The following FRY variants were observed in gnomAD, a reference collection of about 807,000 sequenced individuals.
FRY encodes FRY microtubule binding protein, also known as protein furry homolog.
FRY carries 128 observed loss-of-function variants against 348.4 expected under a neutral mutation model. The ratio of observed to expected loss-of-function variants is 0.37; its 90% CI spans 0.32 to 0.43. The LOEUF (loss-of-function observed/expected upper bound fraction) is 0.43, where lower values mean the gene tolerates loss of function less well. Ranked by LOEUF, FRY falls within the 20% of genes least tolerant of loss-of-function variation. The pLI is 1.00. For missense variants in FRY, 2,736 were observed against 3,695.2 expected (o/e 0.74, Z 6.73); for synonymous variants, 1,370 against 1,374.7 (o/e 1.00, Z 0.08).
chr13:32,208,750 G>A lies in FRY; in HGVS notation c.4019-103G>A, dbSNP rs1336005516. On this transcript the variant is annotated intron_variant, in intron 31 of 60. Coordinates refer to ENST00000542859, the MANE Select transcript of FRY (RefSeq NM_023037.3). ...GAGCTCCTGTATGTGAAAATGTTTT[G>A]TAAACGTAGGACACTGTTCAGTCTG... is the stretch of plus-strand genomic sequence containing the variant. 4 of 1,385,156 alleles carry A rather than the reference G, an allele frequency of 2.9e-6. No individual in the cohort carries two copies. The African/African-American group carries it at 5.7e-5, about 20-fold the overall frequency. The allele number at this position is 1,385,156 out of a possible 1,614,324, so 85.8% of individuals were successfully genotyped here.
intron 1 of FRY, among the ~76,000 whole-genome samples, chr13:32,047,900 A>G (rs1369778673): frequency 6.6e-6 from 1 of 152,110 alleles, no homozygotes; most frequent in Non-Finnish European, 1.5e-5. Context: ...GTGAGCATTT[A>G]TGTGAATTAA....
At chr13:32,063,660 T>C (rs1049871958) in intron 1 of FRY, among the ~76,000 whole-genome samples, 1 of 152,180 alleles carries the variant, frequency 6.6e-6, no homozygotes, top group Non-Finnish European at 1.5e-5. Flanking sequence ...CCCACTAAAT[T>C]ATTTTCATGA....
chr13:32,262,409 C>T lies in FRY; in HGVS notation c.7713C>T (p.Thr2571=). 1 of 1,613,318 alleles carries T rather than the reference C, an allele frequency of 6.2e-7. No individual in the cohort carries two copies. The highest frequency in any genetic ancestry group is 8.5e-7 in the Non-Finnish European group (1 of 1,179,284). The change falls in exon 53 of 61, where the codon ACC becomes ACT. Residue 2571 remains threonine, a synonymous_variant. Coordinates refer to ENST00000542859, the MANE Select transcript of FRY (RefSeq NM_023037.3). ...STPAEPHSFN[T]RMSSFDASLP... ...CTGCAGAACCTCATTCCTTTAACAC[C>T]AGAATGTCCAGCTTTGATGCTTCCT...
At chr13:32,098,205 GT>G (rs1207022585) in intron 2 of FRY, among the ~76,000 whole-genome samples, 12 of 152,016 alleles carry the variant, frequency 7.9e-5, no homozygotes, top group Admixed American at 6.6e-4. Flanking sequence ...AGAATACTGT[GT>G]TTTTATGGGT....
chr13:32,252,242 G>A (rs1021993643), intron 50 of FRY, among the ~76,000 whole-genome samples: 1 of 151,674 alleles, frequency 6.6e-6, no homozygotes, highest in Admixed American at 6.6e-5. Context: ...TGCCCAGAAT[G>A]TCTTACAACG....
intron 7 of FRY, among the ~76,000 whole-genome samples, chr13:32,130,239 C>A (rs1054173501): frequency 2.0e-5 from 3 of 151,936 alleles, no homozygotes; most frequent in African/African-American, 7.3e-5. Flanking sequence ...CCGGGTTTCA[C>A]CATGTTGGTC....
chr13:32,176,811 C>G (rs999359461), intron 20 of FRY, among the ~76,000 whole-genome samples: 4 of 152,206 alleles, frequency 2.6e-5, no homozygotes, highest in African/African-American at 9.6e-5. Flanking sequence ...GAAGCAGTGA[C>G]TGCTTTGTGC....
At position 32,132,006 on chromosome 13, in the gene FRY, G is replaced by A. The variant is rs1022904094; in HGVS notation, c.885+166G>A. Among the ~76,000 whole-genome samples the A allele has an allele frequency of 2.0e-5, 3 of 152,062 alleles. No homozygotes were observed. The South Asian group carries it at 6.2e-4, about 31-fold the overall frequency. On this transcript the variant is annotated intron_variant, in intron 8 of 60. Coordinates refer to ENST00000542859, the MANE Select transcript of FRY (RefSeq NM_023037.3). The stretch of plus-strand genomic sequence containing the variant: ...TTGTAACCAAATAGTACAGTTGCGG[G>A]CACATAATTTCATTTCTCAACTTTC...
chr13:32,266,198 A>G (rs1887918930), intron 54 of FRY, among the ~76,000 whole-genome samples: 2 of 152,258 alleles, frequency 1.3e-5, no homozygotes, highest in African/African-American at 4.8e-5. Context: ...TACTCTTCTG[A>G]AAGTTGAAAA....
intron 3 of FRY, among the ~76,000 whole-genome samples, chr13:32,112,490 C>T (rs1436165436): frequency 3.9e-5 from 6 of 152,134 alleles, no homozygotes; most frequent in Non-Finnish European, 8.8e-5. Context: ...TTGATCATCC[C>T]ATACACTAGA....
At position 32,289,627 on chromosome 13, in the gene FRY, C is replaced by T. The variant is rs1889232809; in HGVS notation, c.8470-6C>T. 1 of 1,513,170 alleles carries T rather than the reference C, an allele frequency of 6.6e-7. No homozygotes were observed. The highest frequency in any genetic ancestry group is 9.2e-7 in the Non-Finnish European group (1 of 1,087,986). 93.7% of individuals were successfully genotyped at this position (1,513,170 alleles called of 1,614,324 possible). A position where few individuals can be genotyped will look rare whatever the true frequency, so the allele number is the denominator to read the frequency against. On this transcript the variant is annotated splice_region_variant and splice_polypyrimidine_tract_variant and intron_variant, in intron 58 of 60. Coordinates refer to ENST00000542859, the MANE Select transcript of FRY (RefSeq NM_023037.3). ...CTGTTTCTTCCCATGCAATTTCTCT[C>T]TTTAGCAATTGGAACTGTGTCAGAG...
intron 11 of FRY, among the ~76,000 whole-genome samples, chr13:32,140,591 G>C (rs1880001155): frequency 6.6e-6 from 1 of 151,340 alleles, no homozygotes; most frequent in Non-Finnish European, 1.5e-5. Context: ...ATAAATACAT[G>C]AGAAGAAAAA....
At chr13:32,214,541 C>G (rs1478627597) in intron 35 of FRY, among the ~76,000 whole-genome samples, 1 of 152,130 alleles carries the variant, frequency 6.6e-6, no homozygotes, top group Non-Finnish European at 1.5e-5. Flanking sequence ...AGATTGGACA[C>G]CCGCGTCTTA....
intron 1 of FRY, among the ~76,000 whole-genome samples, chr13:32,047,588 G>GA (rs953781814): frequency 1.3e-5 from 2 of 148,184 alleles, no homozygotes; most frequent in Non-Finnish European, 3.0e-5. Flanking sequence ...TTTTGGGGGG[G>GA]GTGCAGAGTT....
chr13:32,146,231 G>C (rs78790161), intron 11 of FRY, among the ~76,000 whole-genome samples: 3,348 of 151,932 alleles, frequency 0.022, 56 homozygotes, highest in Non-Finnish European at 0.033. Context: ...ACAAACTGTG[G>C]CAGGCTCAGC....
chr13:32,289,868 A>G (rs1159770190), intron 59 of FRY, 125 bp downstream of exon 59: 2 of 701,342 alleles, frequency 2.9e-6, no homozygotes, highest in Admixed American at 2.0e-5. Flanking sequence ...TTGCTCAAAC[A>G]CAATTCTGAA....
intron 29 of FRY, among the ~76,000 whole-genome samples, chr13:32,201,697 A>G (rs1262979647): frequency 2.0e-5 from 3 of 152,232 alleles, no homozygotes; most frequent in African/African-American, 7.2e-5. Flanking sequence ...TTTATGCATC[A>G]GATAGACTTT....
intron 38 of FRY, 60 bp downstream of exon 38, chr13:32,225,096 C>T (rs1236401921): frequency 7.4e-6 from 7 of 945,036 alleles, no homozygotes; most frequent in East Asian, 2.4e-5. Context: ...AGAAGTAATC[C>T]GTAGAGATTT....
chr13:32,147,240 A>G (rs1225627712), intron 11 of FRY, 42 bp from the exon 12 acceptor site: 2 of 1,197,272 alleles, frequency 1.7e-6, no homozygotes, highest in Non-Finnish European at 1.2e-6. Context: ...CTCAGACCTC[A>G]CTATTTACAT....
Sources: gnomAD v4.1 joint callset for allele counts (sites outside exome capture counted in the v4.1 genomes callset) on GRCh38, gnomAD v4.1.1 for gene constraint, MANE v1.5 for transcripts, NCBI Gene and HGNC (gene_info 2026-07-23, HGNC 2026-07-21) for gene names.